Variants in DDX4 observed in about 807,000 individuals in gnomAD.
The protein encoded by DDX4 is DEAD-box helicase 4.
DDX4 carries 25 observed loss-of-function variants against 100.0 expected under a neutral mutation model. The ratio of observed to expected loss-of-function variants is 0.25; its 90% CI spans 0.18 to 0.35. DDX4 has a LOEUF of 0.35. DDX4 is among the 10% of genes least tolerant of loss of function. The pLI is 1.00. For synonymous variants in DDX4, 259 were observed against 275.7 expected (o/e 0.94, Z 0.60); for missense variants, 635 against 882.4 (o/e 0.72, Z 3.55).
Position 55,781,065 on chromosome 5 carries a change from G to A in DDX4, c.497-1G>A, listed in dbSNP as rs1741881361. On this transcript the variant is annotated splice_acceptor_variant, in intron 8 of 21. Transcript: ENST00000505374. LOFTEE classifies it high-confidence loss of function. Reference sequence around the variant, plus strand: ...TCTAATTTTACTTTCTGCAAATCAAGATAATGACTTAGACCCAGACGAATG... The same window carrying A: ...TCTAATTTTACTTTCTGCAAATCAAAATAATGACTTAGACCCAGACGAATG... 2 of 1,601,660 alleles carry A rather than the reference G, an allele frequency of 1.2e-6. No homozygotes were observed. Among genetic ancestry groups the A allele is most frequent in the East Asian group, 4.5e-5 (2 of 44,598 alleles).
At chr5:55,805,877 T>TG (rs1469907933) in intron 18 of DDX4, among the ~76,000 whole-genome samples, 10 of 152,222 alleles carry the variant, frequency 6.6e-5, no homozygotes, top group South Asian at 2.1e-4. Flanking sequence ...TTCTATTGAT[T>TG]GGAATAGTTT....
At chr5:55,797,735 C>T (rs914320161) in intron 17 of DDX4, among the ~76,000 whole-genome samples, 5 of 152,200 alleles carry the variant, frequency 3.3e-5, no homozygotes, top group African/African-American at 1.2e-4. Flanking sequence ...TCTATGTGAT[C>T]TAAAGCAAGA....
chr5:55,778,215 A>G (rs112097091), intron 7 of DDX4, among the ~76,000 whole-genome samples: 2,545 of 152,274 alleles, frequency 0.017, 33 homozygotes, highest in South Asian at 0.037. Flanking sequence ...ATAACAGTTC[A>G]TATGGAAATC....
intron 18 of DDX4, among the ~76,000 whole-genome samples, chr5:55,807,969 T>G (rs1277920291): frequency 6.6e-6 from 1 of 152,256 alleles, no homozygotes; most frequent in East Asian, 1.9e-4. Context: ...CAGATGTAGA[T>G]ATGGTCTTTT....
At chr5:55,788,856 A>G (rs1742387537) in intron 15 of DDX4, among the ~76,000 whole-genome samples, 1 of 152,196 alleles carries the variant, frequency 6.6e-6, no homozygotes, top group Non-Finnish European at 1.5e-5. Flanking sequence ...GCTTGAGCCC[A>G]GGAGTTCAAG....
intron 6 of DDX4, among the ~76,000 whole-genome samples, chr5:55,765,413 A>AAAAT (rs1392558099): frequency 8.4e-5 from 7 of 83,012 alleles, no homozygotes; most frequent in Admixed American, 1.7e-4. Flanking sequence ...AAAAAAAAAA[A>AAAAT]ATATATATAT....
intron 10 of DDX4, 114 bp from the exon 11 acceptor site, chr5:55,785,183 A>T (rs907019853): frequency 1.9e-5 from 14 of 720,660 alleles, no homozygotes; most frequent in Non-Finnish European, 3.4e-5. Flanking sequence ...AGTATTTGTA[A>T]GAAGGGAATT....
intron 12 of DDX4, 108 bp downstream of exon 12, chr5:55,785,602 CTT>C: frequency 7.7e-7 from 1 of 1,291,764 alleles, no homozygotes; most frequent in Non-Finnish European, 1.1e-6. Context: ...ACAGTGAAAA[CTT>C]TAAAGGTAAG....
intron 3 of DDX4, among the ~76,000 whole-genome samples, chr5:55,754,552 A>G (rs1350470563): frequency 6.7e-6 from 1 of 149,444 alleles, no homozygotes; most frequent in Non-Finnish European, 1.5e-5. Context: ...AAGCTTTTTG[A>G]TGTGCTGCTG....
intron 18 of DDX4, among the ~76,000 whole-genome samples, chr5:55,807,657 C>G (rs995120234): frequency 2.0e-5 from 3 of 152,324 alleles, no homozygotes; most frequent in South Asian, 2.1e-4. Context: ...GGCCCCCACT[C>G]TCTTCTGACT....
At chr5:55,745,906 C>G (rs1208320980) in intron 2 of DDX4, among the ~76,000 whole-genome samples, 1 of 152,122 alleles carries the variant, frequency 6.6e-6, no homozygotes, top group Non-Finnish European at 1.5e-5. Context: ...ATCAGGTGGC[C>G]CACCAGATTT....
rs1740438391 is a variant in DDX4, at chr5:55,760,262, AATTTTGGAAACAGAGGTAAGCATC to A, written c.191_205+9del. On this transcript the variant is annotated splice_donor_variant and splice_donor_5th_base_variant and coding_sequence_variant and intron_variant, in exon 4 of 22. Transcript: ENST00000505374. LOFTEE classifies it high-confidence loss of function. Reference sequence around the variant, plus strand: ...GAAAAGTGGATTTGCCTCTGGGCGGAATTTTGGAAACAGAGGTAAGCATCTTTGTCTTTCCTTAATCTCCTGAAC... The same window carrying A: ...GAAAAGTGGATTTGCCTCTGGGCGGATTTGTCTTTCCTTAATCTCCTGAAC... 1.3e-6 allele frequency: 2 copies of A among 1,570,798 alleles called. No homozygotes were observed. Among genetic ancestry groups the A allele is most frequent in the Admixed American group, 4.0e-5 (2 of 50,466 alleles).
At chr5:55,780,140 A>T in intron 8 of DDX4, 75 bp downstream of exon 8, 1 of 1,559,972 alleles carries the variant, frequency 6.4e-7, no homozygotes, top group Non-Finnish European at 8.7e-7. Flanking sequence ...TACGTATCAA[A>T]GAAGGTTGTT....
chr5:55,779,320 A>C (rs1356362527), intron 7 of DDX4, among the ~76,000 whole-genome samples: 1 of 152,194 alleles, frequency 6.6e-6, no homozygotes, highest in Non-Finnish European at 1.5e-5. Context: ...GCATATATAG[A>C]ATTTATCTTT....
intron 21 of DDX4, 47 bp downstream of exon 21, chr5:55,815,470 G>T (rs1169793235): frequency 6.3e-7 from 1 of 1,576,648 alleles, no homozygotes; most frequent in African/African-American, 1.4e-5. Flanking sequence ...GTTACTCTTT[G>T]TAAATGTTGT....
chr5:55,759,287 A>C (rs1438419480), intron 3 of DDX4, among the ~76,000 whole-genome samples: 1 of 151,954 alleles, frequency 6.6e-6, no homozygotes, highest in African/African-American at 2.4e-5. Flanking sequence ...AAATATTTAA[A>C]TACTGATAAA....
At chr5:55,756,487 C>T (rs1019107973) in intron 3 of DDX4, among the ~76,000 whole-genome samples, 3 of 152,136 alleles carry the variant, frequency 2.0e-5, no homozygotes, top group African/African-American at 7.2e-5. Flanking sequence ...AAACTCTTTG[C>T]CCCTAAGTCT....
rs769575758 is a variant in DDX4, at chr5:55,815,154, G to C, written c.1969G>C (p.Val657Leu). 1.2e-6 allele frequency: 2 copies of C among 1,613,994 alleles called. No individual in the cohort carries two copies. Among genetic ancestry groups the C allele is most frequent in the South Asian group, 2.2e-5 (2 of 91,064 alleles). The stretch of plus-strand genomic sequence containing the variant: ...GGATAACCATTTAGCACAGCCTCTA[G>C]TAAAAGTATTGACAGATGTAAGTTA... ...ESDNHLAQPLVKVLTDAQQDV... is the reference protein window; with the variant it reads ...ESDNHLAQPLLKVLTDAQQDV... The change falls in exon 20 of 22, where the codon GTA becomes CTA. Residue 657 changes from valine to leucine, a missense_variant. Physicochemically the swap from Val to Leu is conservative, Grantham distance 32. Transcript: ENST00000505374.
intron 18 of DDX4, among the ~76,000 whole-genome samples, chr5:55,802,764 T>C (rs986790939): frequency 6.6e-6 from 1 of 152,208 alleles, no homozygotes; most frequent in African/African-American, 2.4e-5. Context: ...GATGACAGAT[T>C]TAATGATCAT....
Sources: gnomAD v4.1 joint callset for allele counts (sites outside exome capture counted in the v4.1 genomes callset) on GRCh38, gnomAD v4.1.1 for gene constraint, MANE v1.5 for transcripts, NCBI Gene and HGNC (gene_info 2026-07-23, HGNC 2026-07-21) for gene names.